The following UBL3 variants were observed in gnomAD, a reference collection of about 807,000 sequenced individuals.
UBL3 encodes the protein ubiquitin like 3, also known as ubiquitin-like protein 3.
A neutral mutation model predicts 18.4 loss-of-function variants in UBL3; 6 were observed. That is an observed-to-expected ratio of 0.33 (90% CI 0.18 to 0.64). The LOEUF (loss-of-function observed/expected upper bound fraction) is 0.64. Among genes scored for constraint, UBL3 ranks in the 30% least tolerant of loss-of-function variants. The probability of loss-of-function intolerance (pLI) is 0.76; values close to 1 mark genes in which losing one functional copy is unlikely to be tolerated. For synonymous variants in UBL3, 49 were observed against 46.6 expected (o/e 1.05, Z -0.21); for missense variants, 109 against 142.9 (o/e 0.76, Z 1.21).
At chr13:29,791,183 CT>C (rs926304767) in intron 1 of UBL3, among the ~76,000 whole-genome samples, 2 of 152,156 alleles carry the variant, frequency 1.3e-5, no homozygotes, top group African/African-American at 2.4e-5. Flanking sequence ...TACTCCTGCC[CT>C]TTTTTCTCAC....
At chr13:29,771,876 A>G (rs1876849036) in intron 3 of UBL3, among the ~76,000 whole-genome samples, 1 of 152,066 alleles carries the variant, frequency 6.6e-6, no homozygotes, top group African/African-American at 2.4e-5. Context: ...TAGGTATAGA[A>G]TCCTACCTAT....
chr13:29,842,644 T>C (rs1879134783), intron 1 of UBL3, among the ~76,000 whole-genome samples: 1 of 152,222 alleles, frequency 6.6e-6, no homozygotes, highest in African/African-American at 2.4e-5. Context: ...TTAAATTAAA[T>C]GCTATAATGT....
At chr13:29,836,676 T>A (rs1259909270) in intron 1 of UBL3, among the ~76,000 whole-genome samples, 2 of 151,790 alleles carry the variant, frequency 1.3e-5, no homozygotes, top group Admixed American at 1.3e-4. Context: ...CTTGTATGAA[T>A]CTCACTGGGC....
At chr13:29,788,880 CGCGCACGCGCACGTGTGTGCGT>C (rs1877406704) in intron 1 of UBL3, among the ~76,000 whole-genome samples, 4 of 28,360 alleles carry the variant, frequency 1.4e-4, no homozygotes, top group East Asian at 1.3e-3. Flanking sequence ...TGCGCGCGCG[CGCGCACGCGCACGTGTGTGCGT>C]GTGTGTGTGT....
chr13:29,849,764 C>G lies in UBL3; in HGVS notation c.-226G>C, dbSNP rs1879322088. ...TGTGGCCGGAGCAGGAGGAAACTCC[C>G]GGGACAGCAGAGGCAGCCCCCGTCG... On this transcript the variant is annotated 5_prime_UTR_variant, in exon 1 of 5. Coordinates refer to ENST00000380680, the MANE Select transcript of UBL3 (RefSeq NM_007106.4). 1 of 612,852 alleles carries G rather than the reference C, an allele frequency of 1.6e-6. No homozygotes were observed. The highest frequency in any genetic ancestry group is 2.0e-5 in the South Asian group (1 of 50,418). 38.0% of individuals were successfully genotyped at this position (612,852 alleles called of 1,614,324 possible).
In UBL3 at chr13:29,849,755, G is replaced by A. The variant is rs952777778; in HGVS notation, c.-217C>T. ...CAGGAGCTGTGTGGCCGGAGCAGGA[G>A]GAAACTCCCGGGACAGCAGAGGCAG... is the stretch of plus-strand genomic sequence containing the variant. On this transcript the variant is annotated 5_prime_UTR_variant, in exon 1 of 5. Coordinates refer to ENST00000380680, the MANE Select transcript of UBL3 (RefSeq NM_007106.4). 6.4e-6 allele frequency: 4 copies of A among 627,652 alleles called. No homozygotes were observed. The highest frequency in any genetic ancestry group is 1.1e-5 in the Non-Finnish European group (4 of 361,488). 38.9% of individuals were successfully genotyped at this position (627,652 alleles called of 1,614,324 possible).
chr13:29,779,234 A>G, intron 1 of UBL3: 1 of 508,236 alleles, frequency 2.0e-6, no homozygotes, highest in Non-Finnish European at 3.9e-6. Flanking sequence ...TATGAATTTC[A>G]GTCCTCACAG....
chr13:29,840,794 T>C (rs751211037), intron 1 of UBL3, among the ~76,000 whole-genome samples: 2 of 152,180 alleles, frequency 1.3e-5, no homozygotes, highest in Non-Finnish European at 2.9e-5. Context: ...ATCCATTATG[T>C]CATTGTTTGT....
chr13:29,843,302 T>C (rs1040578720), intron 1 of UBL3, among the ~76,000 whole-genome samples: 1 of 152,242 alleles, frequency 6.6e-6, no homozygotes, highest in Non-Finnish European at 1.5e-5. Context: ...TTTACTTTAC[T>C]ATTTTAACTA....
chr13:29,822,078 G>A lies in UBL3; in HGVS notation c.27+27434C>T, dbSNP rs185087486. Among the ~76,000 whole-genome samples the A allele has an allele frequency of 1.9e-3, 290 of 152,276 alleles. 1 individual carries two copies. Among genetic ancestry groups the A allele is most frequent in the African/African-American group, 6.6e-3 (274 of 41,560 alleles). On this transcript the variant is annotated intron_variant, in intron 1 of 4. Transcript: ENST00000380680. ...ATGCTGCCTTGGTTGAATATATATG[G>A]TAGGGAAACTATCTTATAAATTAGC...
chr13:29,798,316 G>A (rs1327963296), intron 1 of UBL3, among the ~76,000 whole-genome samples: 8 of 152,036 alleles, frequency 5.3e-5, no homozygotes, highest in Admixed American at 2.0e-4. Context: ...GTGAGCCACC[G>A]CGCCCGACCC....
intron 1 of UBL3, among the ~76,000 whole-genome samples, chr13:29,802,533 A>G (rs953067192): frequency 6.6e-6 from 1 of 152,252 alleles, no homozygotes; most frequent in Non-Finnish European, 1.5e-5. Flanking sequence ...GTTCAGGAGA[A>G]AGATGAAACC....
Position 29,777,274 on chromosome 13 carries a change from A to G in UBL3, c.28-11T>C, listed in dbSNP as rs1220469369. The G allele has an allele frequency of 6.3e-6, 10 of 1,588,976 alleles. No individual in the cohort carries two copies. Among genetic ancestry groups the G allele is most frequent in the Middle Eastern group, 1.7e-4 (1 of 5,958 alleles). ...GAGGCGCAAATTTATCTGAAAGAAG[A>G]CAATGATTCTTTTAACATAAATCTA... On this transcript the variant is annotated splice_polypyrimidine_tract_variant and intron_variant, in intron 1 of 4. Transcript: ENST00000380680.
chr13:29,775,523 G>GA (rs1230062220), intron 2 of UBL3, among the ~76,000 whole-genome samples: 6 of 152,122 alleles, frequency 3.9e-5, no homozygotes, highest in Admixed American at 2.0e-4. Flanking sequence ...GAAATCAGCT[G>GA]AAAAAAATCA....
chr13:29,775,896 C>T (rs1426577526), intron 2 of UBL3, among the ~76,000 whole-genome samples: 4 of 151,944 alleles, frequency 2.6e-5, no homozygotes, highest in Admixed American at 6.6e-5. Context: ...GGATTATAGA[C>T]GTGAGCCACC....
intron 1 of UBL3, among the ~76,000 whole-genome samples, chr13:29,833,374 G>C (rs1878832842): frequency 6.6e-6 from 1 of 150,708 alleles, no homozygotes; most frequent in Non-Finnish European, 1.5e-5. Context: ...ATCTATCTAG[G>C]ACACTGGCAC....
chr13:29,785,392 G>A (rs897031995), intron 1 of UBL3, among the ~76,000 whole-genome samples: 5 of 151,758 alleles, frequency 3.3e-5, no homozygotes, highest in African/African-American at 7.3e-5. Flanking sequence ...TGTTTATGTC[G>A]GTCTCTGGTT....
intron 1 of UBL3, among the ~76,000 whole-genome samples, chr13:29,840,375 G>A (rs1039906677): frequency 5.3e-5 from 8 of 152,030 alleles, no homozygotes; most frequent in African/African-American, 1.9e-4. Context: ...AACTCCAGAG[G>A]GCTTCACCAG....
At chr13:29,834,224 A>C (rs1878862529) in intron 1 of UBL3, among the ~76,000 whole-genome samples, 1 of 151,954 alleles carries the variant, frequency 6.6e-6, no homozygotes, top group African/African-American at 2.4e-5. Flanking sequence ...CAGAATGAAT[A>C]CATGTAGACT....
Sources: gnomAD v4.1 joint callset for allele counts (sites outside exome capture counted in the v4.1 genomes callset) on GRCh38, gnomAD v4.1.1 for gene constraint, MANE v1.5 for transcripts, NCBI Gene and HGNC (gene_info 2026-07-23, HGNC 2026-07-21) for gene names.